Variants in LDLRAD4 observed in about 807,000 individuals in gnomAD.
LDLRAD4 encodes low density lipoprotein receptor class A domain containing 4, also known as low-density lipoprotein receptor class A domain-containing protein 4.
In LDLRAD4, 5 loss-of-function variants were observed where a neutral mutation model predicts 17.0. The observed-to-expected ratio is 0.29, with a 90% CI of 0.15 to 0.62. LDLRAD4 has a LOEUF of 0.62. Among genes scored for constraint, LDLRAD4 ranks in the 20% least tolerant of loss-of-function variants. The pLI, the probability that LDLRAD4 is intolerant of heterozygous loss-of-function variation, is 0.84. For missense variants in LDLRAD4, 340 were observed against 424.7 expected (o/e 0.80, Z 1.75); for synonymous variants, 168 against 171.8 (o/e 0.98, Z 0.17).
chr18:13,269,943 T>C (rs1053955619), intron 1 of LDLRAD4, among the ~76,000 whole-genome samples: 13 of 152,196 alleles, frequency 8.5e-5, no homozygotes, highest in Admixed American at 8.5e-4. Flanking sequence ...AGCAGGCTCT[T>C]GCTGCTGTGG....
At chr18:13,611,830 A>G (rs368046755) in intron 3 of LDLRAD4, 3 of 985,586 alleles carry the variant, frequency 3.0e-6, no homozygotes, top group Non-Finnish European at 3.6e-6. Context: ...TGCTGCGGTT[A>G]GGACCTCACG....
chr18:13,279,830 G>C (rs1413559846), intron 1 of LDLRAD4: 1 of 152,246 alleles, frequency 6.6e-6, no homozygotes, highest in Non-Finnish European at 1.5e-5. Context: ...TTCAAGCACA[G>C]ACTTAGATTG....
chr18:13,611,957 G>A, intron 3 of LDLRAD4: 1 of 985,492 alleles, frequency 1.0e-6, no homozygotes, highest in Non-Finnish European at 1.2e-6. Flanking sequence ...CAGCCTGAGG[G>A]ACGCTGTGGG....
chr18:13,378,524 C>T (rs1324693656), intron 1 of LDLRAD4, among the ~76,000 whole-genome samples: 3 of 152,022 alleles, frequency 2.0e-5, no homozygotes, highest in African/African-American at 4.8e-5. Flanking sequence ...GATGATTTTC[C>T]GAGAAGGAGA....
At chr18:13,612,006 G>T in intron 3 of LDLRAD4, 1 of 985,516 alleles carries the variant, frequency 1.0e-6, no homozygotes, top group Non-Finnish European at 1.2e-6. Flanking sequence ...GAGCGGATCT[G>T]CAGGGGAGAA....
intron 3 of LDLRAD4, chr18:13,459,880 T>TA (rs138247051): frequency 0.14 from 22,117 of 154,108 alleles, 1,804 homozygotes; most frequent in African/African-American, 0.22. Flanking sequence ...AGTATATGAA[T>TA]CGTAGCCTAG....
intron 1 of LDLRAD4, among the ~76,000 whole-genome samples, chr18:13,231,478 G>A (rs557625939): frequency 4.6e-5 from 7 of 152,200 alleles, no homozygotes; most frequent in African/African-American, 7.2e-5. Context: ...CATCTTTGTC[G>A]AAAACCAAAT....
intron 3 of LDLRAD4, among the ~76,000 whole-genome samples, chr18:13,496,791 G>A (rs2147192600): frequency 6.6e-6 from 1 of 152,324 alleles, no homozygotes; most frequent in Middle Eastern, 3.4e-3. Context: ...CTGCATTAAT[G>A]CAAACCAGAA....
At chr18:13,575,264 T>C (rs2094752523) in intron 3 of LDLRAD4, among the ~76,000 whole-genome samples, 1 of 152,232 alleles carries the variant, frequency 6.6e-6, no homozygotes, top group Non-Finnish European at 1.5e-5. Context: ...GTCCATTGTG[T>C]TATTCTTATG....
rs138382274 is a variant in LDLRAD4, at chr18:13,559,978, G to A, written c.182-61139G>A. ...CGTTGCATAATCAACAGGGTTGGGC[G>A]TTACTACCTAGCAACAAGGAGTCCC... is the stretch of plus-strand genomic sequence containing the variant. On this transcript the variant is annotated intron_variant, in intron 3 of 5. Transcript: ENST00000359446. 9.7e-4 allele frequency among the ~76,000 whole-genome samples: 147 copies of A among 152,300 alleles called. No homozygotes were observed. The East Asian group carries it at 0.022, about 23-fold the overall frequency.
chr18:13,452,289 A>T (rs1025785352), intron 3 of LDLRAD4, among the ~76,000 whole-genome samples: 1 of 152,138 alleles, frequency 6.6e-6, no homozygotes, highest in Non-Finnish European at 1.5e-5. Context: ...TTTGGGGTTC[A>T]CGGTGGCAGC....
chr18:13,229,800 T>C (rs2041982830), intron 1 of LDLRAD4, among the ~76,000 whole-genome samples: 1 of 152,178 alleles, frequency 6.6e-6, no homozygotes, highest in Non-Finnish European at 1.5e-5. Context: ...GACATGGCTT[T>C]GTCGCCAAAC....
chr18:13,387,586 C>T (rs541001338), exon 2 of LDLRAD4: 43 of 780,098 alleles, frequency 5.5e-5, no homozygotes, highest in South Asian at 3.2e-4. Context: ...GCAGGTGGGC[C>T]GCGGATGCTC....
chr18:13,278,142 T>C (rs550586796), exon 1 of LDLRAD4: 1 of 152,334 alleles, frequency 6.6e-6, no homozygotes, highest in East Asian at 1.9e-4. Context: ...AAACCTCCTG[T>C]TGGGCCATTT....
upstream of LDLRAD4, among the ~76,000 whole-genome samples, chr18:13,274,778 G>A (rs2044761020): frequency 6.6e-6 from 1 of 152,120 alleles, no homozygotes; most frequent in African/African-American, 2.4e-5. Context: ...CACAATGTTG[G>A]GTAGCAGGAA....
At chr18:13,467,518 C>T (rs1001051826) in intron 3 of LDLRAD4, among the ~76,000 whole-genome samples, 1 of 152,178 alleles carries the variant, frequency 6.6e-6, no homozygotes, top group African/African-American at 2.4e-5. Context: ...AATGGAAAGA[C>T]GTTCCATATT....
chr18:13,362,332 A>G (rs4602105), intron 1 of LDLRAD4: 65,706 of 152,012 alleles, frequency 0.43, 15,129 homozygotes, highest in African/African-American at 0.61. Context: ...TGACTGTTCC[A>G]GTGACCTTAT....
chr18:13,284,519 A>T (rs1420476885), intron 1 of LDLRAD4, among the ~76,000 whole-genome samples: 1 of 152,088 alleles, frequency 6.6e-6, no homozygotes, highest in Non-Finnish European at 1.5e-5. Flanking sequence ...TTTGTGGGGG[A>T]GGCCAGGGTG....
intron 3 of LDLRAD4, among the ~76,000 whole-genome samples, chr18:13,493,541 G>A (rs2093400926): frequency 6.6e-6 from 1 of 152,184 alleles, no homozygotes; most frequent in Non-Finnish European, 1.5e-5. Flanking sequence ...GTGTTGCTAA[G>A]GTTCTGAGAA....
Sources: gnomAD v4.1 joint callset for allele counts (sites outside exome capture counted in the v4.1 genomes callset) on GRCh38, gnomAD v4.1.1 for gene constraint, MANE v1.5 for transcripts, NCBI Gene and HGNC (gene_info 2026-07-23, HGNC 2026-07-21) for gene names.